Variants in THSD7A observed in about 807,000 individuals in gnomAD.
THSD7A encodes thrombospondin type-1 domain-containing protein 7A.
Under a neutral mutation model 231.3 loss-of-function variants are expected in THSD7A, and 96 were observed. The ratio of observed to expected loss-of-function variants is 0.41; its 90% CI spans 0.35 to 0.49. The LOEUF (loss-of-function observed/expected upper bound fraction) is 0.49, where lower values mean the gene tolerates loss of function less well. Among genes scored for constraint, THSD7A ranks in the 20% least tolerant of loss-of-function variants. The pLI is 0.05. For missense variants in THSD7A, 2,290 were observed against 2,070.2 expected, an observed-to-expected ratio of 1.11 and a Z score of -2.06; for synonymous variants, 940 against 743.3, an observed-to-expected ratio of 1.26 and a Z score of -4.30.
chr7:11,674,069 A>C (rs1007060728), intron 1 of THSD7A, among the ~76,000 whole-genome samples: 7 of 151,764 alleles, frequency 4.6e-5, no homozygotes, highest in Non-Finnish European at 7.4e-5. Flanking sequence ...CTGGCAGGTC[A>C]CTCAGGAGTT....
intron 17 of THSD7A, 140 bp from the exon 18 acceptor site, chr7:11,412,940 C>T (rs929953932): frequency 9.5e-6 from 8 of 842,762 alleles, no homozygotes; most frequent in Non-Finnish European, 1.3e-5. Flanking sequence ...CATTATGCCT[C>T]AGTTGTTCAA....
At chr7:11,709,176 T>A (rs528049576) in intron 1 of THSD7A, among the ~76,000 whole-genome samples, 26 of 150,874 alleles carry the variant, frequency 1.7e-4, no homozygotes, top group Non-Finnish European at 3.3e-4. Flanking sequence ...ATATTTAGGG[T>A]CTGGCTTTGT....
At chr7:11,407,994 AT>A (rs1018583352) in intron 19 of THSD7A, among the ~76,000 whole-genome samples, 84 of 152,280 alleles carry the variant, frequency 5.5e-4, no homozygotes, top group African/African-American at 1.8e-3. Context: ...TTTTATGTGC[AT>A]TTTTTAAAAC....
intron 1 of THSD7A, among the ~76,000 whole-genome samples, chr7:11,680,104 G>T (rs1783810623): frequency 6.6e-6 from 1 of 151,742 alleles, no homozygotes; most frequent in South Asian, 2.1e-4. Flanking sequence ...ATGGGGAAAG[G>T]ATTCCCTATT....
chr7:11,754,867 G>C (rs932945375), intron 1 of THSD7A, among the ~76,000 whole-genome samples: 1 of 151,884 alleles, frequency 6.6e-6, no homozygotes, highest in African/African-American at 2.4e-5. Context: ...ACTATATATT[G>C]ACAATACGCA....
At position 11,590,199 on chromosome 7, in the gene THSD7A, T is replaced by A. The variant is rs1050871552; in HGVS notation, c.1453+261A>T. Among the ~76,000 whole-genome samples the A allele has an allele frequency of 6.6e-6, 1 of 152,210 alleles. No homozygotes were observed. Among genetic ancestry groups the A allele is most frequent in the African/African-American group, 2.4e-5 (1 of 41,456 alleles). On this transcript the variant is annotated intron_variant, in intron 4 of 27. Coordinates refer to ENST00000423059, the MANE Select transcript of THSD7A (RefSeq NM_015204.3). This position sits in a 1 kb window ranked among gnomAD's most constrained non-coding sequence, Gnocchi z 4.4. The stretch of plus-strand genomic sequence containing the variant: ...TTACATTATTCCTGCTAAACTTTGA[T>A]GAAGAGGTTGAGTCAAGAAGGCCTT...
intron 4 of THSD7A, among the ~76,000 whole-genome samples, chr7:11,576,554 T>C (rs1048496357): frequency 6.6e-6 from 1 of 152,218 alleles, no homozygotes; most frequent in African/African-American, 2.4e-5. Context: ...AAGTGTGGGA[T>C]AGACAGTAAT....
chr7:11,522,639 G>T (rs942408220), intron 6 of THSD7A, among the ~76,000 whole-genome samples: 8 of 151,512 alleles, frequency 5.3e-5, no homozygotes, highest in Admixed American at 2.0e-4. Context: ...GGTAAAATAA[G>T]AATCAGTTTA....
At chr7:11,775,379 G>A (rs1022383148) in intron 1 of THSD7A, among the ~76,000 whole-genome samples, 2 of 152,148 alleles carry the variant, frequency 1.3e-5, no homozygotes, top group Non-Finnish European at 2.9e-5. Flanking sequence ...GGCAGTCTGA[G>A]CTATTTGTAC....
chr7:11,719,607 G>A (rs964245102), intron 1 of THSD7A, among the ~76,000 whole-genome samples: 1 of 151,552 alleles, frequency 6.6e-6, no homozygotes. Context: ...ATCATGCCCA[G>A]TGATCCCCTC....
At chr7:11,571,882 C>T (rs77) in intron 4 of THSD7A, among the ~76,000 whole-genome samples, 28,493 of 151,284 alleles carry the variant, frequency 0.19, 2,787 homozygotes, top group Admixed American at 0.27. Context: ...TTGCTGTTGT[C>T]CTCTTTGTAT....
intron 14 of THSD7A, 73 bp downstream of exon 14, chr7:11,428,874 C>A (rs1784398541): frequency 4.0e-6 from 6 of 1,510,450 alleles, no homozygotes; most frequent in African/African-American, 1.4e-5. Flanking sequence ...ATTTCCTCTT[C>A]TCCATTTTGG....
intron 15 of THSD7A, 125 bp from the exon 16 acceptor site, chr7:11,424,954 T>C (rs1784270962): frequency 1.7e-6 from 2 of 1,155,916 alleles, no homozygotes; most frequent in South Asian, 3.1e-5. Context: ...TACTGCTTAT[T>C]ATTCTAACAT....
chr7:11,757,224 AC>A (rs1225263970), intron 1 of THSD7A, among the ~76,000 whole-genome samples: 2 of 152,042 alleles, frequency 1.3e-5, no homozygotes, highest in Non-Finnish European at 2.9e-5. Flanking sequence ...GTTTGGAAAT[AC>A]TATTTAGACA....
intron 6 of THSD7A, chr7:11,520,259 C>T (rs1583896449): frequency 6.6e-6 from 1 of 152,158 alleles, no homozygotes; most frequent in Admixed American, 6.5e-5. Context: ...GTTTCTTAAT[C>T]TCATGATGCT....
At chr7:11,685,381 T>C (rs1276467944) in intron 1 of THSD7A, among the ~76,000 whole-genome samples, 1 of 151,926 alleles carries the variant, frequency 6.6e-6, no homozygotes, top group Non-Finnish European at 1.5e-5. Context: ...AATTGAGACC[T>C]ACTTAAACTA....
intron 2 of THSD7A, among the ~76,000 whole-genome samples, chr7:11,610,485 G>A (rs1196283463): frequency 6.6e-6 from 1 of 152,086 alleles, no homozygotes; most frequent in African/African-American, 2.4e-5. Context: ...CAGTTGATGA[G>A]ATAGAGTTCC....
intron 1 of THSD7A, among the ~76,000 whole-genome samples, chr7:11,816,440 T>A (rs1784707332): frequency 6.6e-6 from 1 of 152,186 alleles, no homozygotes; most frequent in African/African-American, 2.4e-5. Flanking sequence ...TCACAAGTAA[T>A]GTTTTAGAGA....
rs1781699029 is a variant in THSD7A at position 11,632,736 on chromosome 7, AAAAGTTGATC to A, written c.1022+3384_1022+3393del. 2.0e-5 allele frequency among the ~76,000 whole-genome samples: 3 copies of A among 152,190 alleles called. No individual in the cohort carries two copies. The South Asian group carries it at 6.2e-4, about 31-fold the overall frequency. On this transcript the variant is annotated intron_variant, in intron 2 of 27. Transcript: ENST00000423059. The surrounding 1 kb of genome is among the most constrained non-coding windows in gnomAD (Gnocchi z 4.1). ...TGTCTCTTCACCTATCTCTCTCCAT[AAAAGTTGATC>A]TATATTAGTTCTCCCATTAGGTCAT...
Sources: allele counts gnomAD v4.1 joint callset (sites outside exome capture counted in the v4.1 genomes callset), GRCh38; gene constraint gnomAD v4.1.1; non-coding constraint Gnocchi (gnomAD v3.1); transcripts MANE v1.5; gene names NCBI Gene and HGNC (gene_info 2026-07-23, HGNC 2026-07-21).